The following CLIP1 variants were observed in gnomAD, a reference collection of about 807,000 sequenced individuals.
CLIP1 encodes CAP-Gly domain containing linker protein 1.
A neutral mutation model predicts 161.6 loss-of-function variants in CLIP1; 66 were observed. That is an observed-to-expected ratio of 0.41 (90% CI 0.33 to 0.50). The LOEUF (loss-of-function observed/expected upper bound fraction) is 0.50, where lower values mean the gene tolerates loss of function less well. CLIP1 is among the 20% of genes least tolerant of loss of function. CLIP1 has a pLI of 0.27. For missense variants in CLIP1, 1,376 were observed against 1,702.0 expected, an observed-to-expected ratio of 0.81 and a Z score of 3.37; for synonymous variants, 598 against 626.2, an observed-to-expected ratio of 0.96 and a Z score of 0.67.
intron 21 of CLIP1, among the ~76,000 whole-genome samples, chr12:122,286,574 G>T (rs1333748857): frequency 6.7e-6 from 1 of 148,586 alleles, no homozygotes; most frequent in Non-Finnish European, 1.5e-5. Context: ...CTTATCAGGG[G>T]CACGGCAGTG....
rs1951068112 is a variant in CLIP1 at position 122,311,656 on chromosome 12, C to T, written c.3474-1774G>A. On this transcript the variant is annotated intron_variant, in intron 19 of 25. Transcript: ENST00000620786. The surrounding 1 kb of genome is among the most constrained non-coding windows in gnomAD (Gnocchi z 4.3). The stretch of plus-strand genomic sequence containing the variant: ...GCCAGGATGGTCTGGATCTCTTGAC[C>T]TCGTGATCTGCCCGCCTCGGCCTCC... Among the ~76,000 whole-genome samples the T allele has an allele frequency of 6.6e-6, 1 of 152,112 alleles. No homozygotes were observed. Among genetic ancestry groups the T allele is most frequent in the Non-Finnish European group, 1.5e-5 (1 of 68,026 alleles).
chr12:122,409,283 G>A (rs920174030), intron 1 of CLIP1, among the ~76,000 whole-genome samples: 7 of 146,760 alleles, frequency 4.8e-5, no homozygotes, highest in South Asian at 2.2e-4. Flanking sequence ...GCGCAACCAC[G>A]CCCAGCTAAT....
At chr12:122,318,565 GCAA>G (rs577817496) in intron 18 of CLIP1, among the ~76,000 whole-genome samples, 120 of 152,114 alleles carry the variant, frequency 7.9e-4, no homozygotes, top group Middle Eastern at 3.4e-3. Flanking sequence ...AACAAAAAAA[GCAA>G]CAACAACAAA....
intron 20 of CLIP1, among the ~76,000 whole-genome samples, chr12:122,303,905 C>T (rs573570311): frequency 6.6e-6 from 1 of 152,142 alleles, no homozygotes; most frequent in Non-Finnish European, 1.5e-5. Flanking sequence ...AATAGCCAAC[C>T]GGGGATCAGA....
chr12:122,422,223 G>A (rs977787875), intron 1 of CLIP1, among the ~76,000 whole-genome samples: 24 of 152,088 alleles, frequency 1.6e-4, no homozygotes, highest in Non-Finnish European at 3.4e-4. Flanking sequence ...CAGGGGCAAG[G>A]AGTCCAAGCT....
chr12:122,405,378 A>C (rs901929389), intron 1 of CLIP1, among the ~76,000 whole-genome samples: 1 of 152,076 alleles, frequency 6.6e-6, no homozygotes, highest in East Asian at 1.9e-4. Flanking sequence ...ACTAAGATCT[A>C]TTTTCACTGA....
At chr12:122,293,787 GTTTTT>G (rs201115013) in intron 20 of CLIP1, among the ~76,000 whole-genome samples, 2 of 132,938 alleles carry the variant, frequency 1.5e-5, no homozygotes, top group East Asian at 4.3e-4. Flanking sequence ...CTGAGAATTT[GTTTTT>G]TTTTTTGTTT....
At chr12:122,390,213 C>T (rs1443606000) in intron 1 of CLIP1, among the ~76,000 whole-genome samples, 1,520 of 112,970 alleles carry the variant, frequency 0.013, 14 homozygotes, top group East Asian at 0.023. Context: ...TATATACACA[C>T]ATATATATAC....
At position 122,390,182 on chromosome 12, in the gene CLIP1, T is replaced by TATATATATAC. The variant is rs1555280531; in HGVS notation, c.-106-9625_-106-9624insGTATATATAT. ...AATTACACAGTCTCAGATATATATATATATATATATATATAATATATATAT... is the reference window on the plus strand; with the variant it reads ...AATTACACAGTCTCAGATATATATATATATATATACATATATATATATATAATATATATAT... On this transcript the variant is annotated intron_variant, in intron 1 of 25. Coordinates refer to ENST00000620786, the MANE Select transcript of CLIP1 (RefSeq NM_001247997.2). Among the ~76,000 whole-genome samples, 3 of 135,034 alleles carry TATATATATAC rather than the reference T, an allele frequency of 2.2e-5. 1 individual carries two copies. Among genetic ancestry groups the TATATATATAC allele is most frequent in the Non-Finnish European group, 3.2e-5 (2 of 63,220 alleles). The allele number at this position is 135,034 out of a possible 152,430, so 88.6% of individuals were successfully genotyped here.
intron 24 of CLIP1, chr12:122,275,644 GCACACACACACACACACA>G (rs71082958): frequency 2.0e-5 from 3 of 147,538 alleles, no homozygotes; most frequent in Non-Finnish European, 4.5e-5. Flanking sequence ...ACACACACGC[GCACACACACACACACACA>G]CACACACACA....
chr12:122,393,982 G>A (rs1566220234), intron 1 of CLIP1, among the ~76,000 whole-genome samples: 1 of 150,244 alleles, frequency 6.7e-6, no homozygotes, highest in African/African-American at 2.4e-5. Context: ...CTGTTTCGGA[G>A]GGGGAAAAAC....
In CLIP1 at chr12:122,337,529, T is replaced by A. The variant is rs377089386; in HGVS notation, c.2452-781A>T. Among the ~76,000 whole-genome samples the A allele has an allele frequency of 4.6e-5, 7 of 150,804 alleles. No individual in the cohort carries two copies. The East Asian group carries it at 1.2e-3, about 26-fold the overall frequency. On this transcript the variant is annotated intron_variant, in intron 11 of 25. Coordinates refer to ENST00000620786, the MANE Select transcript of CLIP1 (RefSeq NM_001247997.2). Reference sequence around the variant, plus strand: ...GTCTCAAACTCCTAGACCCAAGCAATCCTCTTATTTTGGACTCTCAAAGTG... The same window carrying A: ...GTCTCAAACTCCTAGACCCAAGCAAACCTCTTATTTTGGACTCTCAAAGTG...
intron 20 of CLIP1, among the ~76,000 whole-genome samples, chr12:122,294,286 G>A (rs1237793865): frequency 2.2e-5 from 3 of 133,904 alleles, no homozygotes; most frequent in East Asian, 2.3e-4. Flanking sequence ...CTGAGATGGC[G>A]CCACTGCACT....
At chr12:122,293,636 G>A (rs775765202) in intron 20 of CLIP1, among the ~76,000 whole-genome samples, 4 of 149,852 alleles carry the variant, frequency 2.7e-5, no homozygotes, top group East Asian at 4.0e-4. Flanking sequence ...GTGCCACCAC[G>A]CTCGGCTAAT....
intron 3 of CLIP1, among the ~76,000 whole-genome samples, chr12:122,370,094 CA>C (rs200548949): frequency 0.013 from 1,961 of 150,400 alleles, 44 homozygotes; most frequent in African/African-American, 0.04. Context: ...GCCCTGTAGG[CA>C]GAGGGTGCAA....
intron 20 of CLIP1, among the ~76,000 whole-genome samples, chr12:122,309,051 G>A (rs939752221): frequency 1.3e-5 from 2 of 152,214 alleles, no homozygotes; most frequent in African/African-American, 4.8e-5. Context: ...GAAGTCAGAT[G>A]TGACTCACAA....
chr12:122,281,247 A>G (rs1442893150), intron 21 of CLIP1, among the ~76,000 whole-genome samples: 1 of 152,222 alleles, frequency 6.6e-6, no homozygotes, highest in Admixed American at 6.5e-5. Flanking sequence ...GGTGGGCATC[A>G]GTGCGGGTAA....
At chr12:122,350,880 CA>C (rs1181038462) in intron 9 of CLIP1, 1 of 384,858 alleles carries the variant, frequency 2.6e-6, no homozygotes. Context: ...CTTTATAAAG[CA>C]AACGTTGGCC....
At chr12:122,280,357 G>C (rs151007601) in intron 21 of CLIP1, 2 of 152,174 alleles carry the variant, frequency 1.3e-5, no homozygotes, top group Admixed American at 6.5e-5. Flanking sequence ...GATTACAGGC[G>C]TGAGCCGGCC....
Sources: gnomAD v4.1 joint callset for allele counts (sites outside exome capture counted in the v4.1 genomes callset) on GRCh38, gnomAD v4.1.1 for gene constraint, Gnocchi (gnomAD v3.1) non-coding constraint, MANE v1.5 for transcripts, NCBI Gene and HGNC (gene_info 2026-07-23, HGNC 2026-07-21) for gene names.